Variants in FRMPD2 observed in about 807,000 individuals in gnomAD.
FRMPD2 encodes the protein FERM and PDZ domain-containing protein 2.
Under a neutral mutation model 140.1 loss-of-function variants are expected in FRMPD2, and 96 were observed. The observed-to-expected ratio is 0.69, with a 90% confidence interval of 0.58 to 0.81. The LOEUF (loss-of-function observed/expected upper bound fraction) is 0.81. Ranked by LOEUF, FRMPD2 falls within the 40% of genes least tolerant of loss-of-function variation. The pLI is 0.00. For missense variants in FRMPD2, 1,240 were observed against 1,447.4 expected, an observed-to-expected ratio of 0.86 and a Z score of 2.32; for synonymous variants, 449 against 547.6, an observed-to-expected ratio of 0.82 and a Z score of 2.52.
At position 48,156,819 on chromosome 10, in the gene FRMPD2, T is replaced by G. The variant is rs1482167100; in HGVS notation, c.*503A>C. ...TCTTTGGAACCTCAGTTTTCTCATT[T>G]GACAAAACTAGATGGTCAAGAAGCG... On this transcript the variant is annotated 3_prime_UTR_variant, in exon 29 of 29. Coordinates refer to ENST00000374201, the MANE Select transcript of FRMPD2 (RefSeq NM_001018071.4). 9.9e-6 allele frequency: 2 copies of G among 202,978 alleles called. No individual in the cohort carries two copies. The highest frequency in any genetic ancestry group is 4.8e-5 in the African/African-American group (2 of 41,830). The allele number at this position is 202,978 out of a possible 1,614,324, so 12.6% of individuals were successfully genotyped here.
intron 23 of FRMPD2, chr10:48,175,219 C>T: frequency 3.2e-6 from 2 of 631,274 alleles, no homozygotes; most frequent in Non-Finnish European, 5.2e-6. Flanking sequence ...CTCTGTTCAA[C>T]CTTATCCTTC....
chr10:48,219,119 G>C lies in FRMPD2; in HGVS notation c.1455+3194C>G, dbSNP rs115336629. On this transcript the variant is annotated intron_variant, in intron 12 of 28. Transcript: ENST00000374201. ...ACGGATGTGCAGACATTATGGGAAA[G>C]GGCATTCAAAGGCTCAGTAACATGC... Among the ~76,000 whole-genome samples the C allele has an allele frequency of 4.4e-3, 663 of 152,226 alleles. 2 individuals are homozygous for C. Among genetic ancestry groups the C allele is most frequent in the African/African-American group, 0.015 (620 of 41,506 alleles).
intron 28 of FRMPD2, among the ~76,000 whole-genome samples, chr10:48,161,431 C>T (rs1310590606): frequency 2.6e-5 from 4 of 151,452 alleles, no homozygotes; most frequent in South Asian, 2.1e-4. Flanking sequence ...AATAGGTATC[C>T]GGACTTGGAA....
intron 1 of FRMPD2, among the ~76,000 whole-genome samples, chr10:48,269,498 C>G (rs111256007): frequency 6.6e-6 from 1 of 152,176 alleles, no homozygotes. Context: ...AGAAGCTGAA[C>G]AGGCCTGAGA....
At chr10:48,184,488 G>T in intron 20 of FRMPD2, 78 bp downstream of exon 20, 1 of 887,482 alleles carries the variant, frequency 1.1e-6, no homozygotes, top group East Asian at 2.4e-5. Context: ...GGACTTCAAG[G>T]TCTAGTACCT....
intron 27 of FRMPD2, among the ~76,000 whole-genome samples, chr10:48,166,241 T>C (rs1838098822): frequency 8.2e-6 from 1 of 121,338 alleles, no homozygotes; most frequent in South Asian, 2.4e-4. Flanking sequence ...ATGCCAAAGC[T>C]TGATTGCTCT....
At chr10:48,191,216 C>T (rs560447331) in intron 16 of FRMPD2, among the ~76,000 whole-genome samples, 13 of 152,238 alleles carry the variant, frequency 8.5e-5, no homozygotes, top group East Asian at 1.9e-4. Context: ...AGACTACTCA[C>T]GGAGAGAGAG....
At chr10:48,215,509 T>C (rs988689670) in intron 12 of FRMPD2, among the ~76,000 whole-genome samples, 1 of 152,226 alleles carries the variant, frequency 6.6e-6, no homozygotes, top group Non-Finnish European at 1.5e-5. Flanking sequence ...TCCGGGTTGA[T>C]TTAAGAATTC....
At chr10:48,266,119 A>T (rs867965841) in intron 1 of FRMPD2, among the ~76,000 whole-genome samples, 11 of 152,230 alleles carry the variant, frequency 7.2e-5, no homozygotes, top group African/African-American at 2.4e-4. Flanking sequence ...ACAGGAACAG[A>T]AAATCAAATA....
At chr10:48,243,849 G>T (rs937430418) in intron 4 of FRMPD2, among the ~76,000 whole-genome samples, 5 of 152,230 alleles carry the variant, frequency 3.3e-5, no homozygotes, top group African/African-American at 7.2e-5. Flanking sequence ...AGCCAGGTCA[G>T]CTAGGCAGGG....
At chr10:48,230,637 A>G (rs1334358190) in intron 10 of FRMPD2, among the ~76,000 whole-genome samples, 3 of 152,238 alleles carry the variant, frequency 2.0e-5, no homozygotes, top group Non-Finnish European at 4.4e-5. Context: ...TAACTGTAGA[A>G]AAGAAATTAT....
intron 18 of FRMPD2, 106 bp downstream of exon 18, chr10:48,185,447 G>T: frequency 1.3e-6 from 1 of 763,636 alleles, no homozygotes; most frequent in Non-Finnish European, 2.4e-6. Flanking sequence ...ACTGGGAGAG[G>T]AGGGATAGGA....
intron 13 of FRMPD2, among the ~76,000 whole-genome samples, chr10:48,208,344 C>T (rs1839246833): frequency 6.6e-6 from 1 of 152,116 alleles, no homozygotes; most frequent in African/African-American, 2.4e-5. Context: ...TTATTGTTTA[C>T]CTATACAAAG....
chr10:48,223,048 G>T, intron 11 of FRMPD2, 75 bp downstream of exon 11: 2 of 1,370,580 alleles, frequency 1.5e-6, no homozygotes, highest in African/African-American at 1.4e-5. Context: ...AGCACTTGTC[G>T]ATCCATTACC....
At chr10:48,265,711 A>G (rs758025251) in intron 1 of FRMPD2, among the ~76,000 whole-genome samples, 3 of 152,072 alleles carry the variant, frequency 2.0e-5, no homozygotes, top group African/African-American at 4.8e-5. Flanking sequence ...AAAAAGAAAA[A>G]ATAACAGATG....
chr10:48,271,522 A>C lies in FRMPD2; in HGVS notation c.25+3021T>G, dbSNP rs1184059766. 1.5e-4 allele frequency among the ~76,000 whole-genome samples: 23 copies of C among 152,308 alleles called. 1 individual carries two copies. The highest frequency in any genetic ancestry group is 1.4e-3 in the Admixed American group (21 of 15,308). On this transcript the variant is annotated intron_variant, in intron 1 of 28. Coordinates refer to ENST00000374201, the MANE Select transcript of FRMPD2 (RefSeq NM_001018071.4). ...GCCCTCCTGGAACTGGTTCCTGTGC[A>C]CCATCCTACACATCTCCTTCCTGCC... is the stretch of plus-strand genomic sequence containing the variant.
chr10:48,240,255 G>A (rs530433436), intron 6 of FRMPD2, 105 bp downstream of exon 6: 1 of 1,288,218 alleles, frequency 7.8e-7, no homozygotes, highest in South Asian at 1.4e-5. Context: ...CACTTACATA[G>A]GCTTTCTCTG....
chr10:48,225,614 A>G (rs1174040715), intron 10 of FRMPD2, among the ~76,000 whole-genome samples: 1 of 152,234 alleles, frequency 6.6e-6, no homozygotes, highest in African/African-American at 2.4e-5. Context: ...TAGAACATGC[A>G]TATCCCGGAT....
intron 15 of FRMPD2, among the ~76,000 whole-genome samples, chr10:48,200,600 G>T (rs565095509): frequency 6.6e-6 from 1 of 152,254 alleles, no homozygotes. Context: ...GTTCATGATA[G>T]GTCTGTGTTG....
Sources: gnomAD v4.1 joint callset for allele counts (sites outside exome capture counted in the v4.1 genomes callset) on GRCh38, gnomAD v4.1.1 for gene constraint, MANE v1.5 for transcripts, NCBI Gene and HGNC (gene_info 2026-07-23, HGNC 2026-07-21) for gene names.